The following LSAMP variants were observed in gnomAD, a reference collection of about 807,000 sequenced individuals.
LSAMP encodes limbic system-associated membrane protein.
Under a neutral mutation model 38.6 loss-of-function variants are expected in LSAMP, and 7 were observed. The ratio of observed to expected loss-of-function variants is 0.18; its 90% CI spans 0.10 to 0.34. The LOEUF (loss-of-function observed/expected upper bound fraction) is 0.34, where lower values mean the gene tolerates loss of function less well. Among genes scored for constraint, LSAMP ranks in the 10% least tolerant of loss-of-function variants. The pLI is 1.00. For synonymous variants in LSAMP, 154 were observed against 166.8 expected, an observed-to-expected ratio of 0.92 and a Z score of 0.59; for missense variants, 313 against 420.0, an observed-to-expected ratio of 0.75 and a Z score of 2.23.
At chr3:115,853,393 G>T (rs1420125955) in intron 3 of LSAMP, among the ~76,000 whole-genome samples, 1 of 152,214 alleles carries the variant, frequency 6.6e-6, no homozygotes, top group Non-Finnish European at 1.5e-5. Context: ...GGGGTTTGGG[G>T]TAGGGAGTTA....
At chr3:116,229,888 T>C (rs1010814466) in intron 1 of LSAMP, among the ~76,000 whole-genome samples, 1 of 152,092 alleles carries the variant, frequency 6.6e-6, no homozygotes, top group African/African-American at 2.4e-5. Context: ...AAAAATGTAA[T>C]GGAAAGAAAG....
rs547663347 is a variant in LSAMP, at chr3:116,314,171, A to G, written c.155+130706T>C. 2.6e-5 allele frequency among the ~76,000 whole-genome samples: 4 copies of G among 152,332 alleles called. No homozygotes were observed. In the East Asian group the frequency reaches 7.7e-4, roughly 29 times the overall value. ...GATTCAGTGTCCTAGTTCCTAACCC[A>G]ATGTATTTAAGAACTCAGGCTCCAG... On this transcript the variant is annotated intron_variant, in intron 1 of 6. Coordinates refer to ENST00000490035, the MANE Select transcript of LSAMP (RefSeq NM_002338.5).
intron 1 of LSAMP, among the ~76,000 whole-genome samples, chr3:116,229,784 G>A (rs1299006019): frequency 3.3e-5 from 5 of 152,142 alleles, no homozygotes; most frequent in Non-Finnish European, 5.9e-5. Context: ...AAGGTCTTCA[G>A]GAGTCATTAG....
intron 1 of LSAMP, among the ~76,000 whole-genome samples, chr3:116,368,573 G>A (rs2048387429): frequency 6.6e-6 from 1 of 152,134 alleles, no homozygotes; most frequent in Non-Finnish European, 1.5e-5. Context: ...GGTTGGAGAA[G>A]CCTTGCTCTG....
At chr3:115,814,270 G>T (rs1209396361) in intron 6 of LSAMP, 1 of 152,186 alleles carries the variant, frequency 6.6e-6, no homozygotes, top group East Asian at 1.9e-4. Context: ...GCCAGGTCAA[G>T]GTTCTCAACC....
intron 1 of LSAMP, among the ~76,000 whole-genome samples, chr3:116,199,392 C>T (rs931112586): frequency 6.6e-6 from 1 of 152,146 alleles, no homozygotes; most frequent in African/African-American, 2.4e-5. Context: ...CTCTTTTACA[C>T]TAGTATTATA....
intron 3 of LSAMP, among the ~76,000 whole-genome samples, chr3:115,912,727 T>G (rs1357242531): frequency 1.3e-5 from 2 of 152,224 alleles, no homozygotes; most frequent in Non-Finnish European, 2.9e-5. Flanking sequence ...TTAAAAAATT[T>G]TTTGTCTTCC....
At chr3:116,160,545 A>C (rs1709864537) in intron 1 of LSAMP, among the ~76,000 whole-genome samples, 3 of 151,926 alleles carry the variant, frequency 2.0e-5, no homozygotes, top group East Asian at 3.9e-4. Flanking sequence ...AAAGAAAAGA[A>C]AAGACTGCCT....
At chr3:116,193,497 C>T (rs1216158619) in intron 1 of LSAMP, among the ~76,000 whole-genome samples, 2 of 152,152 alleles carry the variant, frequency 1.3e-5, no homozygotes, top group South Asian at 2.1e-4. Flanking sequence ...AAATGAAATG[C>T]TCCCCATCTG....
At chr3:116,284,017 A>G (rs1320072963) in intron 1 of LSAMP, among the ~76,000 whole-genome samples, 2 of 152,188 alleles carry the variant, frequency 1.3e-5, no homozygotes, top group African/African-American at 4.8e-5. Context: ...CAAAAAAATA[A>G]ATAAATAAAA....
intron 3 of LSAMP, among the ~76,000 whole-genome samples, chr3:115,928,359 G>A (rs996658292): frequency 3.9e-5 from 6 of 152,098 alleles, no homozygotes; most frequent in South Asian, 2.1e-4. Context: ...TTGTGAAGGC[G>A]GCAAAAGTAA....
At chr3:115,814,882 G>T (rs1201241786) in intron 6 of LSAMP, among the ~76,000 whole-genome samples, 1 of 152,138 alleles carries the variant, frequency 6.6e-6, no homozygotes, top group East Asian at 1.9e-4. Flanking sequence ...TCTGCCTCCC[G>T]TAGCATCTAG....
chr3:115,894,942 T>G (rs563801297), intron 3 of LSAMP, among the ~76,000 whole-genome samples: 1 of 151,182 alleles, frequency 6.6e-6, no homozygotes, highest in Admixed American at 6.6e-5. Flanking sequence ...ACAAAGGCAC[T>G]TTGATTTCCT....
chr3:115,927,607 G>A (rs115361754), intron 3 of LSAMP, among the ~76,000 whole-genome samples: 3,433 of 152,174 alleles, frequency 0.023, 62 homozygotes, highest in Non-Finnish European at 0.034. Context: ...ACTCTTTGGC[G>A]TCCTATCTCC....
chr3:116,164,644 T>A (rs13063427), intron 1 of LSAMP, among the ~76,000 whole-genome samples: 2 of 113,614 alleles, frequency 1.8e-5, no homozygotes, highest in Non-Finnish European at 1.9e-5. Flanking sequence ...TATATATATA[T>A]AATCCAAATA....
At chr3:116,264,982 G>T (rs1231929209) in intron 1 of LSAMP, among the ~76,000 whole-genome samples, 1 of 152,062 alleles carries the variant, frequency 6.6e-6, no homozygotes, top group Non-Finnish European at 1.5e-5. Flanking sequence ...GAATCATTTG[G>T]TTTTTCCTGT....
intron 1 of LSAMP, among the ~76,000 whole-genome samples, chr3:116,369,471 G>C (rs1300258413): frequency 6.6e-6 from 1 of 152,134 alleles, no homozygotes; most frequent in Admixed American, 6.5e-5. Context: ...GTCTATCAAA[G>C]AGAAGAGAGA....
intron 2 of LSAMP, among the ~76,000 whole-genome samples, chr3:116,020,295 C>T (rs568505362): frequency 3.9e-5 from 6 of 152,252 alleles, no homozygotes; most frequent in South Asian, 2.1e-4. Flanking sequence ...CTAGTACTTC[C>T]AACACCACTA....
chr3:116,228,336 A>G (rs2046364787), intron 1 of LSAMP, among the ~76,000 whole-genome samples: 1 of 152,098 alleles, frequency 6.6e-6, no homozygotes, highest in South Asian at 2.1e-4. Context: ...GTACAATGTT[A>G]TCATTACTAT....
Sources: gnomAD v4.1 joint callset for allele counts (sites outside exome capture counted in the v4.1 genomes callset) on GRCh38, gnomAD v4.1.1 for gene constraint, MANE v1.5 for transcripts, NCBI Gene and HGNC (gene_info 2026-07-23, HGNC 2026-07-21) for gene names.